The following BLZF1 variants were observed in gnomAD, a reference collection of about 807,000 sequenced individuals.
The protein encoded by BLZF1 is golgin-45.
BLZF1 carries 39 observed loss-of-function variants against 43.8 expected under a neutral mutation model. That is an observed-to-expected ratio of 0.89 (90% CI 0.69 to 1.16). The LOEUF (loss-of-function observed/expected upper bound fraction) is 1.16, where lower values mean the gene tolerates loss of function less well. Among genes scored for constraint, BLZF1 ranks in the 50% most tolerant of loss-of-function variants. The pLI, the probability that BLZF1 is intolerant of heterozygous loss-of-function variation, is 0.00. For missense variants in BLZF1, 449 were observed against 469.8 expected (o/e 0.96, Z 0.41); for synonymous variants, 136 against 159.4 (o/e 0.85, Z 1.11).
At chr1:169,395,482 G>A (rs1284852971) in intron 7 of BLZF1, among the ~76,000 whole-genome samples, 5 of 152,166 alleles carry the variant, frequency 3.3e-5, no homozygotes, top group Non-Finnish European at 5.9e-5. Context: ...ACTATTTTAT[G>A]TGTGCTGTAG....
rs750695535 is a variant in BLZF1, at chr1:169,395,149, T to C, written c.*28-745T>C. On this transcript the variant is annotated intron_variant, in intron 7 of 7. Coordinates refer to the BLZF1 transcript ENST00000329281. Reference sequence around the variant, plus strand: ...TAGCTTCTAGTCGGAGCTGTCTAGTTCTCTCTCTGACAGCTTGTTGCTCTG... The same window carrying C: ...TAGCTTCTAGTCGGAGCTGTCTAGTCCTCTCTCTGACAGCTTGTTGCTCTG... 1.9e-6 allele frequency: 3 copies of C among 1,613,634 alleles called. No individual in the cohort carries two copies. The South Asian group carries it at 3.3e-5, about 18-fold the overall frequency.
chr1:169,380,491 G>T lies in BLZF1; in HGVS notation c.679G>T (p.Asp227Tyr). The change falls in exon 5 of 7, where the codon GAT becomes TAT. Residue 227 changes from aspartate to tyrosine, a missense_variant. Transcript: ENST00000367808. ...TTTAATCTTTTTCAGGGTAATGGCA[G>T]ATGAGTTAACCAACTCAAGAGCAGC... Reference protein sequence around the residue: ...SKFLASRVMADELTNSRAALQ... With the variant: ...SKFLASRVMAYELTNSRAALQ... 1 of 1,611,146 alleles carries T rather than the reference G, an allele frequency of 6.2e-7. No homozygotes were observed. The highest frequency in any genetic ancestry group is 8.5e-7 in the Non-Finnish European group (1 of 1,177,976).
chr1:169,394,962 GA>G lies in BLZF1; in HGVS notation c.*28-930del, dbSNP rs1316434590. 1,585 of 1,191,842 alleles carry G rather than the reference GA, an allele frequency of 1.3e-3. 13 individuals carry two copies. The African/African-American group carries it at 0.021, about 16-fold the overall frequency. The allele number at this position is 1,191,842 out of a possible 1,614,324, so 73.8% of individuals were successfully genotyped here. Reference sequence around the variant, plus strand: ...AGATAAATACCATTTCCATAATTTAGAATACAACCAAAGTACACAGACCCTA... The same window carrying G: ...AGATAAATACCATTTCCATAATTTAGATACAACCAAAGTACACAGACCCTA... On this transcript the variant is annotated intron_variant, in intron 7 of 7. Coordinates refer to the BLZF1 transcript ENST00000329281.
chr1:169,370,681 G>A (rs1375923270), intron 2 of BLZF1, among the ~76,000 whole-genome samples: 2 of 152,196 alleles, frequency 1.3e-5, no homozygotes, highest in Non-Finnish European at 1.5e-5. Context: ...CAGCCCTGCT[G>A]TAGCTGTATC....
chr1:169,371,635 GA>G (rs1654123883), intron 2 of BLZF1, among the ~76,000 whole-genome samples: 1 of 152,180 alleles, frequency 6.6e-6, no homozygotes, highest in Admixed American at 6.5e-5. Context: ...CTTCCTCTCA[GA>G]AGACATTTGA....
At chr1:169,394,026 T>G (rs1654887311) in intron 7 of BLZF1, among the ~76,000 whole-genome samples, 1 of 152,226 alleles carries the variant, frequency 6.6e-6, no homozygotes, top group African/African-American at 2.4e-5. Context: ...GTACTATTCC[T>G]CTACACACTG....
At chr1:169,390,576 T>C (rs1453718730), downstream of BLZF1, among the ~76,000 whole-genome samples, 1 of 152,084 alleles carries the variant, frequency 6.6e-6, no homozygotes, top group Non-Finnish European at 1.5e-5. Context: ...TAGAAAGACA[T>C]GTATTAGTCC....
intron 2 of BLZF1, among the ~76,000 whole-genome samples, chr1:169,369,836 T>G (rs1476910980): frequency 6.6e-6 from 1 of 152,140 alleles, no homozygotes; most frequent in Non-Finnish European, 1.5e-5. Context: ...GATTACGATT[T>G]AAATAAGAAT....
downstream of BLZF1, among the ~76,000 whole-genome samples, chr1:169,392,949 A>G (rs560178370): frequency 1.3e-5 from 2 of 152,264 alleles, no homozygotes; most frequent in African/African-American, 4.8e-5. Context: ...GCATCCTTTT[A>G]AAAAGAGAAA....
At chr1:169,369,581 A>G in intron 2 of BLZF1, 31 bp downstream of exon 2, 3 of 1,540,142 alleles carry the variant, frequency 1.9e-6, no homozygotes, top group Non-Finnish European at 2.7e-6. Flanking sequence ...TGTTTTTAAA[A>G]CATGACATTT....
At chr1:169,377,068 G>A (rs751032959) in intron 3 of BLZF1, 89 bp downstream of exon 3, 5 of 1,060,668 alleles carry the variant, frequency 4.7e-6, no homozygotes, top group African/African-American at 3.2e-5. Flanking sequence ...ATTTCTTTAT[G>A]GGAATGTCAT....
chr1:169,370,825 C>T (rs894290423), intron 2 of BLZF1, among the ~76,000 whole-genome samples: 1 of 152,132 alleles, frequency 6.6e-6, no homozygotes, highest in African/African-American at 2.4e-5. Context: ...CTATCTATAT[C>T]CCTAATCTCC....
intron 6 of BLZF1, among the ~76,000 whole-genome samples, chr1:169,384,965 C>A (rs1253660352): frequency 6.6e-6 from 1 of 152,178 alleles, no homozygotes; most frequent in Non-Finnish European, 1.5e-5. Context: ...GAGTCAGTAC[C>A]TAAAATTAAT....
rs767779034 is a variant in BLZF1, at chr1:169,378,527, C to T, written c.666C>T (p.Ser222=). ...CDVWRSKFLA[S]RVMADELTNS... ...TATGGCGAAGTAAATTCCTTGCAAG[C>T]AGGTATTTTCTACAGCAAATAGTAT... The change falls in exon 4 of 7, where the codon AGC becomes AGT. Residue 222 remains serine (S), a splice_region_variant and synonymous_variant. Coordinates refer to ENST00000367808, the MANE Select transcript of BLZF1 (RefSeq NM_001320973.2). 1 of 1,611,318 alleles carries T rather than the reference C, an allele frequency of 6.2e-7. No individual in the cohort carries two copies. The highest frequency in any genetic ancestry group is 8.5e-7 in the Non-Finnish European group (1 of 1,178,054).
chr1:169,378,270 G>A, intron 3 of BLZF1, 60 bp from the exon 4 acceptor site: 1 of 1,487,390 alleles, frequency 6.7e-7, no homozygotes, highest in East Asian at 2.3e-5. Context: ...TGTTAATTTT[G>A]TTACATTAAA....
At chr1:169,373,709 A>G (rs777580958) in intron 2 of BLZF1, among the ~76,000 whole-genome samples, 1 of 152,210 alleles carries the variant, frequency 6.6e-6, no homozygotes, top group Non-Finnish European at 1.5e-5. Context: ...TGATTTTCCA[A>G]CAAGGTATTT....
chr1:169,376,079 T>A (rs543319399), intron 2 of BLZF1, among the ~76,000 whole-genome samples: 5 of 152,102 alleles, frequency 3.3e-5, no homozygotes, highest in Non-Finnish European at 5.9e-5. Flanking sequence ...CTCCAAGAGT[T>A]CACAAAACAG....
chr1:169,371,244 ATAAT>A (rs1654109014), intron 2 of BLZF1, among the ~76,000 whole-genome samples: 1 of 152,252 alleles, frequency 6.6e-6, no homozygotes, highest in African/African-American at 2.4e-5. Context: ...GAGCAGTTAA[ATAAT>A]TAATGTGAAA....
chr1:169,369,692 C>T, intron 2 of BLZF1, 142 bp downstream of exon 2: 1 of 612,194 alleles, frequency 1.6e-6, no homozygotes, highest in East Asian at 2.8e-5. Context: ...TTTTTTAGTG[C>T]AGTGTTTATA....
Sources: allele counts gnomAD v4.1 joint callset (sites outside exome capture counted in the v4.1 genomes callset), GRCh38; gene constraint gnomAD v4.1.1; transcripts MANE v1.5; gene names NCBI Gene and HGNC (gene_info 2026-07-23, HGNC 2026-07-21).